ITFG1: variants seen among roughly 807,000 people sequenced by gnomAD.
ITFG1 encodes the protein integrin alpha FG-GAP repeat containing 1.
A neutral mutation model predicts 81.8 loss-of-function variants in ITFG1; 34 were observed. The ratio of observed to expected loss-of-function variants is 0.42; its 90% CI spans 0.32 to 0.55. ITFG1 has a LOEUF of 0.55. ITFG1 is among the 20% of genes least tolerant of loss of function. ITFG1 has a pLI of 0.17. For missense variants in ITFG1, 672 were observed against 755.4 expected (o/e 0.89, Z 1.29); for synonymous variants, 285 against 270.6 (o/e 1.05, Z -0.52).
intron 1 of ITFG1, 139 bp from the exon 2 acceptor site, chr16:47,459,314 A>C: frequency 1.6e-6 from 1 of 607,548 alleles, no homozygotes. Context: ...TCTCAAGCAT[A>C]GTCCCACTAG....
chr16:47,156,275 A>C (rs1012941139), intron 17 of ITFG1, among the ~76,000 whole-genome samples: 1 of 151,990 alleles, frequency 6.6e-6, no homozygotes, highest in Non-Finnish European at 1.5e-5. Flanking sequence ...CGTCTCTACC[A>C]AAAAAATACA....
At chr16:47,380,307 T>C (rs542080187) in intron 6 of ITFG1, among the ~76,000 whole-genome samples, 2 of 152,324 alleles carry the variant, frequency 1.3e-5, no homozygotes, top group East Asian at 3.9e-4. Flanking sequence ...TAGCCCACTC[T>C]TTGCTGTTAA....
At chr16:47,327,079 A>G (rs555445227) in intron 8 of ITFG1, among the ~76,000 whole-genome samples, 1 of 152,308 alleles carries the variant, frequency 6.6e-6, no homozygotes, top group African/African-American at 2.4e-5. Flanking sequence ...AAACTATACT[A>G]CAAGGCTACA....
intron 8 of ITFG1, among the ~76,000 whole-genome samples, chr16:47,342,579 T>A (rs1039375455): frequency 2.6e-5 from 4 of 152,204 alleles, no homozygotes; most frequent in Admixed American, 1.3e-4. Flanking sequence ...AGAGATGACA[T>A]GATGCTATAT....
chr16:47,160,811 C>T (rs558486238), intron 16 of ITFG1, among the ~76,000 whole-genome samples: 1 of 152,214 alleles, frequency 6.6e-6, no homozygotes, highest in Non-Finnish European at 1.5e-5. Context: ...ATTCTCCTAC[C>T]ATAACTGATT....
At position 47,219,065 on chromosome 16, in the gene ITFG1, TTC is replaced by T. The variant is rs1965660632; in HGVS notation, c.1375-121_1375-120del. 3.1e-5 allele frequency: 15 copies of T among 480,584 alleles called. No individual in the cohort carries two copies. The South Asian group carries it at 6.3e-4, about 20-fold the overall frequency. The allele number at this position is 480,584 out of a possible 1,614,324, so 29.8% of individuals were successfully genotyped here. On this transcript the variant is annotated intron_variant, in intron 13 of 17. Transcript: ENST00000320640. ...CAGATGACAGTTACTTAGAGACCCC[TTC>T]CATTAACAGCACATCAAAAGAAAAC...
At chr16:47,374,486 T>C (rs1298208157) in intron 7 of ITFG1, among the ~76,000 whole-genome samples, 2 of 152,236 alleles carry the variant, frequency 1.3e-5, no homozygotes, top group Middle Eastern at 3.4e-3. Flanking sequence ...TCTATAGATA[T>C]TCTACTTATT....
chr16:47,416,207 A>G (rs1277347948), intron 6 of ITFG1, among the ~76,000 whole-genome samples: 2 of 152,184 alleles, frequency 1.3e-5, no homozygotes, highest in Non-Finnish European at 2.9e-5. Flanking sequence ...CAGGCACCAG[A>G]GCAATAAAAA....
intron 10 of ITFG1, among the ~76,000 whole-genome samples, chr16:47,297,868 G>A (rs1157661355): frequency 6.6e-6 from 1 of 152,052 alleles, no homozygotes; most frequent in Admixed American, 6.5e-5. Context: ...ATATTTGAAT[G>A]TGTAAATCTT....
At chr16:47,196,012 GT>G (rs1449373292) in intron 14 of ITFG1, among the ~76,000 whole-genome samples, 1 of 152,036 alleles carries the variant, frequency 6.6e-6, no homozygotes, top group African/African-American at 2.4e-5. Context: ...GTAGGTTGGT[GT>G]TTTTTTCTTT....
At chr16:47,394,091 A>G (rs1968565767) in intron 6 of ITFG1, among the ~76,000 whole-genome samples, 1 of 152,228 alleles carries the variant, frequency 6.6e-6, no homozygotes, top group South Asian at 2.1e-4. Flanking sequence ...AGCAGGATTT[A>G]AGAACTTATT....
intron 13 of ITFG1, among the ~76,000 whole-genome samples, chr16:47,227,034 T>C (rs1057127079): frequency 2.0e-5 from 3 of 152,164 alleles, no homozygotes; most frequent in African/African-American, 7.2e-5. Flanking sequence ...AGTTTGAGAA[T>C]TGCTCTTCTA....
chr16:47,454,174 A>T lies in ITFG1; in HGVS notation c.282-16T>A, dbSNP rs1969423229. 1 of 1,579,950 alleles carries T rather than the reference A, an allele frequency of 6.3e-7. No individual in the cohort carries two copies. On this transcript the variant is annotated splice_polypyrimidine_tract_variant and intron_variant, in intron 2 of 17. Coordinates refer to ENST00000320640, the MANE Select transcript of ITFG1 (RefSeq NM_030790.5). ...ACTGTGATTCCTAAAAGAAACAAGC[A>T]TTTACAAATATCAGACAAGTTGTAA...
intron 12 of ITFG1, among the ~76,000 whole-genome samples, chr16:47,251,172 C>T (rs1033590378): frequency 1.3e-5 from 2 of 152,228 alleles, no homozygotes; most frequent in Non-Finnish European, 2.9e-5. Context: ...TGTGTTCAGA[C>T]TCAGAGAGCC....
At chr16:47,439,738 A>G (rs950424302) in intron 5 of ITFG1, among the ~76,000 whole-genome samples, 2 of 152,222 alleles carry the variant, frequency 1.3e-5, no homozygotes, top group African/African-American at 4.8e-5. Flanking sequence ...AACAAGCCAA[A>G]CTGTAAAGAC....
chr16:47,416,450 T>G (rs975122788), intron 6 of ITFG1, among the ~76,000 whole-genome samples: 7 of 152,202 alleles, frequency 4.6e-5, no homozygotes, highest in Non-Finnish European at 1.5e-5. Context: ...AGCTAAAGCT[T>G]ATTGTTTGCA....
intron 6 of ITFG1, among the ~76,000 whole-genome samples, chr16:47,418,549 T>C (rs1413057395): frequency 6.6e-6 from 1 of 152,168 alleles, no homozygotes; most frequent in African/African-American, 2.4e-5. Context: ...CATTTTGAGT[T>C]AATTTTTTGT....
chr16:47,289,053 T>C (rs542709428), intron 10 of ITFG1, among the ~76,000 whole-genome samples: 1 of 152,310 alleles, frequency 6.6e-6, no homozygotes, highest in South Asian at 2.1e-4. Context: ...TTGAGAGTTT[T>C]TACGATGAAG....
intron 6 of ITFG1, among the ~76,000 whole-genome samples, chr16:47,414,955 T>C (rs910225474): frequency 7.2e-5 from 11 of 152,340 alleles, no homozygotes; most frequent in Middle Eastern, 3.4e-3. Context: ...GGCTCTGACC[T>C]TGATCTGTTT....
Sources: allele counts gnomAD v4.1 joint callset (sites outside exome capture counted in the v4.1 genomes callset), GRCh38; gene constraint gnomAD v4.1.1; transcripts MANE v1.5; gene names NCBI Gene and HGNC (gene_info 2026-07-23, HGNC 2026-07-21).